Variants in NCKAP5 observed in about 807,000 individuals in gnomAD.
The protein encoded by NCKAP5 is NCK associated protein 5, also known as nck-associated protein 5.
In NCKAP5, 92 loss-of-function variants were observed where a neutral mutation model predicts 167.0. The observed-to-expected ratio is 0.55, with a 90% CI of 0.47 to 0.66. NCKAP5 has a LOEUF of 0.66. Ranked by LOEUF, NCKAP5 falls within the 30% of genes least tolerant of loss-of-function variation. The pLI is 0.00. For synonymous variants in NCKAP5, 891 were observed against 877.4 expected, an observed-to-expected ratio of 1.02 and a Z score of -0.27; for missense variants, 2,378 against 2,315.0, an observed-to-expected ratio of 1.03 and a Z score of -0.56.
chr2:133,306,654 T>C (rs1464889044), intron 3 of NCKAP5, among the ~76,000 whole-genome samples: 1 of 152,180 alleles, frequency 6.6e-6, no homozygotes, highest in Non-Finnish European at 1.5e-5. Flanking sequence ...CAGGGCAACA[T>C]ACACCTTACA....
At chr2:133,044,220 T>G (rs1185074373) in intron 6 of NCKAP5, among the ~76,000 whole-genome samples, 1 of 152,052 alleles carries the variant, frequency 6.6e-6, no homozygotes, top group Admixed American at 6.6e-5. Flanking sequence ...GAAGTACAAA[T>G]AGCAAAGGAA....
At chr2:133,130,622 G>A (rs1422228751) in intron 5 of NCKAP5, among the ~76,000 whole-genome samples, 2 of 152,110 alleles carry the variant, frequency 1.3e-5, no homozygotes, top group African/African-American at 4.8e-5. Flanking sequence ...TGTCCAGTTA[G>A]GTCTTCAGAT....
chr2:133,598,845 G>T, the NCKAP5 span, among the ~76,000 whole-genome samples: 1 of 152,178 alleles, frequency 6.6e-6, no homozygotes, highest in Non-Finnish European at 1.5e-5. Context: ...GAGGCCAGAA[G>T]TCAAAATCAA....
intron 19 of NCKAP5, among the ~76,000 whole-genome samples, chr2:132,697,560 T>A (rs1052358648): frequency 1.3e-5 from 2 of 151,850 alleles, no homozygotes; most frequent in African/African-American, 4.8e-5. Flanking sequence ...CTGTTGAGCC[T>A]TTGTGACCTT....
chr2:133,061,172 G>A (rs994906387), intron 6 of NCKAP5, among the ~76,000 whole-genome samples: 1 of 152,096 alleles, frequency 6.6e-6, no homozygotes, highest in African/African-American at 2.4e-5. Context: ...TTCAATTCAA[G>A]TTCCAATGCA....
At chr2:133,243,851 T>C (rs1466157598) in intron 4 of NCKAP5, among the ~76,000 whole-genome samples, 1 of 152,246 alleles carries the variant, frequency 6.6e-6, no homozygotes, top group Admixed American at 6.5e-5. Flanking sequence ...TAAAAATGCA[T>C]GTAATTCCCA....
chr2:133,371,278 C>A (rs927980118), intron 3 of NCKAP5, among the ~76,000 whole-genome samples: 4 of 152,142 alleles, frequency 2.6e-5, no homozygotes, highest in Non-Finnish European at 4.4e-5. Flanking sequence ...TTTAAGCCAT[C>A]ATTTAGAAAA....
chr2:133,126,227 C>G (rs2082399853), intron 6 of NCKAP5, among the ~76,000 whole-genome samples: 1 of 152,190 alleles, frequency 6.6e-6, no homozygotes, highest in South Asian at 2.1e-4. Flanking sequence ...CACCTTGTTA[C>G]TGAAGCTGAG....
At chr2:132,879,671 C>G (rs1691597139) in intron 8 of NCKAP5, among the ~76,000 whole-genome samples, 1 of 152,206 alleles carries the variant, frequency 6.6e-6, no homozygotes. Flanking sequence ...TCAACTGTGC[C>G]AGTGAACCCT....
At chr2:133,388,750 C>G (rs1257464015) in intron 3 of NCKAP5, among the ~76,000 whole-genome samples, 1 of 152,218 alleles carries the variant, frequency 6.6e-6, no homozygotes, top group Non-Finnish European at 1.5e-5. Context: ...CGCCCCTCCC[C>G]CAGCCTCGCT....
chr2:133,524,224 T>C (rs1346730826), intron 2 of NCKAP5, among the ~76,000 whole-genome samples: 1 of 152,202 alleles, frequency 6.6e-6, no homozygotes, highest in Non-Finnish European at 1.5e-5. Context: ...TTTCTTGATC[T>C]CCGTCCTCTT....
At chr2:133,042,957 G>A (rs2079264154) in intron 6 of NCKAP5, among the ~76,000 whole-genome samples, 1 of 152,096 alleles carries the variant, frequency 6.6e-6, no homozygotes, top group African/African-American at 2.4e-5. Flanking sequence ...TCTGATAGTT[G>A]CAAGGTTATT....
intron 7 of NCKAP5, among the ~76,000 whole-genome samples, chr2:132,985,018 A>G (rs1477891066): frequency 6.6e-6 from 1 of 151,598 alleles, no homozygotes; most frequent in Non-Finnish European, 1.5e-5. Flanking sequence ...GGTATTCAAA[A>G]TAAAGGCTGG....
chr2:132,948,344 G>A (rs964270913), intron 8 of NCKAP5, among the ~76,000 whole-genome samples: 19 of 152,204 alleles, frequency 1.2e-4, no homozygotes, highest in Admixed American at 1.2e-3. Flanking sequence ...TATGTGCAGA[G>A]AACAGCTGGC....
intron 4 of NCKAP5, among the ~76,000 whole-genome samples, chr2:133,255,968 G>T (rs1396676096): frequency 6.6e-6 from 1 of 152,016 alleles, no homozygotes; most frequent in Non-Finnish European, 1.5e-5. Flanking sequence ...TTTTCCAAAG[G>T]CCCCAAGTCT....
At chr2:133,023,519 C>T (rs2078598668) in intron 6 of NCKAP5, among the ~76,000 whole-genome samples, 1 of 152,114 alleles carries the variant, frequency 6.6e-6, no homozygotes, top group Non-Finnish European at 1.5e-5. Flanking sequence ...TTGCATAAAG[C>T]TGAGATTTGG....
chr2:133,383,758 T>A (rs901134767), intron 3 of NCKAP5, among the ~76,000 whole-genome samples: 2 of 152,240 alleles, frequency 1.3e-5, no homozygotes, highest in Non-Finnish European at 2.9e-5. Context: ...CTTGTCATTC[T>A]AACTGGTGTG....
chr2:132,750,207 A>T lies in NCKAP5; in HGVS notation c.5129-18156T>A, dbSNP rs114309012. Among the ~76,000 whole-genome samples the T allele has an allele frequency of 2.0e-5, 3 of 152,326 alleles. No homozygotes were observed. The East Asian group carries it at 5.8e-4, about 29-fold the overall frequency. ...TGACCCTGCATTTTAAGTTTGAAAC[A>T]TGCAAAGTTGTTGTCTTTTTTTGTG... On this transcript the variant is annotated intron_variant, in intron 16 of 19. Transcript: ENST00000409261.
chr2:133,033,696 C>A (rs1415766705), intron 6 of NCKAP5, among the ~76,000 whole-genome samples: 1 of 151,934 alleles, frequency 6.6e-6, no homozygotes, highest in Non-Finnish European at 1.5e-5. Context: ...AGCACTAATT[C>A]TGGAGTTGAA....
Sources: allele counts gnomAD v4.1 joint callset (sites outside exome capture counted in the v4.1 genomes callset), GRCh38; gene constraint gnomAD v4.1.1; transcripts MANE v1.5; gene names NCBI Gene and HGNC (gene_info 2026-07-23, HGNC 2026-07-21).